Variants in PRKCE observed in about 807,000 individuals in gnomAD.
PRKCE encodes protein kinase C epsilon type.
A neutral mutation model predicts 85.4 loss-of-function variants in PRKCE; 16 were observed. That is an observed-to-expected ratio of 0.19 (90% CI 0.13 to 0.28). The LOEUF is 0.28. Ranked by LOEUF, PRKCE falls within the 10% of genes least tolerant of loss-of-function variation. The pLI, the probability that PRKCE is intolerant of heterozygous loss-of-function variation, is 1.00. For missense variants in PRKCE, 573 were observed against 975.2 expected, an observed-to-expected ratio of 0.59 and a Z score of 5.49; for synonymous variants, 388 against 371.5, an observed-to-expected ratio of 1.04 and a Z score of -0.51.
At chr2:45,664,837 T>A (rs1240561605) in intron 1 of PRKCE, among the ~76,000 whole-genome samples, 1 of 152,234 alleles carries the variant, frequency 6.6e-6, no homozygotes, top group Non-Finnish European at 1.5e-5. Flanking sequence ...ACATCCCATT[T>A]TGTGTGGTCC....
chr2:45,820,895 C>A (rs1689476121), intron 1 of PRKCE, among the ~76,000 whole-genome samples: 1 of 152,088 alleles, frequency 6.6e-6, no homozygotes, highest in African/African-American at 2.4e-5. Context: ...CACCCCCTTC[C>A]CACCCCCCAG....
At chr2:46,044,953 G>C (rs527696272) in intron 10 of PRKCE, among the ~76,000 whole-genome samples, 1 of 152,136 alleles carries the variant, frequency 6.6e-6, no homozygotes, top group African/African-American at 2.4e-5. Context: ...TATATACTTC[G>C]TTATGTATAG....
chr2:45,651,730 G>T lies in PRKCE; in HGVS notation c.-371G>T, dbSNP rs1675131302. On this transcript the variant is annotated 5_prime_UTR_variant, in exon 1 of 15. Coordinates refer to ENST00000306156, the MANE Select transcript of PRKCE (RefSeq NM_005400.3). ...TAGGTAAGCGCCGGGCGCGGCGCCC[G>T]CTTTCCCGCAGTCCGGAGCCGGAGA... 6.2e-6 allele frequency: 1 copy of T among 161,498 alleles called. No homozygotes were observed. The highest frequency in any genetic ancestry group is 1.3e-5 in the Non-Finnish European group (1 of 76,072). The allele number at this position is 161,498 out of a possible 1,614,324, so 10.0% of individuals were successfully genotyped here. A position where few individuals can be genotyped will look rare whatever the true frequency, so the allele number is the denominator to read the frequency against.
intron 2 of PRKCE, among the ~76,000 whole-genome samples, chr2:45,970,102 G>A (rs192052795): frequency 1.3e-3 from 202 of 152,308 alleles, no homozygotes; most frequent in African/African-American, 4.6e-3. Context: ...TCTCTTTGTG[G>A]CCTTCCCTGT....
chr2:45,856,859 C>A (rs1291146851), intron 2 of PRKCE, among the ~76,000 whole-genome samples: 1 of 152,194 alleles, frequency 6.6e-6, no homozygotes, highest in Non-Finnish European at 1.5e-5. Context: ...CCAGGTTCAT[C>A]ATGTTGCTGC....
chr2:45,978,936 G>T (rs747651625), intron 3 of PRKCE, 40 bp from the exon 4 acceptor site: 25 of 1,590,356 alleles, frequency 1.6e-5, no homozygotes, highest in Non-Finnish European at 2.0e-5. Context: ...GACCTGGTAA[G>T]ATTTCACTTT....
At chr2:45,843,134 C>T in intron 2 of PRKCE, 71 bp downstream of exon 2, 5 of 1,361,378 alleles carry the variant, frequency 3.7e-6, no homozygotes, top group Non-Finnish European at 5.2e-6. Context: ...CTTCTTTCCC[C>T]CCCTTGGCCG....
At chr2:45,984,236 C>T (rs1703134217) in intron 5 of PRKCE, among the ~76,000 whole-genome samples, 1 of 152,122 alleles carries the variant, frequency 6.6e-6, no homozygotes, top group Non-Finnish European at 1.5e-5. Context: ...CTGCACCCGG[C>T]CTGAGGTACA....
intron 6 of PRKCE, among the ~76,000 whole-genome samples, chr2:45,986,590 A>T (rs1022390728): frequency 2.6e-5 from 4 of 152,160 alleles, no homozygotes; most frequent in African/African-American, 9.7e-5. Flanking sequence ...TGTTGAGGGC[A>T]TTGCAAGGAG....
At chr2:46,102,719 T>A (rs2104103003) in intron 11 of PRKCE, among the ~76,000 whole-genome samples, 1 of 152,312 alleles carries the variant, frequency 6.6e-6, no homozygotes, top group Non-Finnish European at 1.5e-5. Flanking sequence ...TTTTGTAGAA[T>A]ATCTGCCAGC....
chr2:45,659,524 C>T (rs909788680), intron 1 of PRKCE, among the ~76,000 whole-genome samples: 3 of 152,178 alleles, frequency 2.0e-5, no homozygotes, highest in Admixed American at 6.5e-5. Flanking sequence ...GTGAGATTAT[C>T]CCTTACCATA....
At chr2:46,130,350 TCATA>T (rs1272320430) in intron 11 of PRKCE, among the ~76,000 whole-genome samples, 118 of 152,058 alleles carry the variant, frequency 7.8e-4, no homozygotes, top group African/African-American at 2.8e-3. Flanking sequence ...GTATACTTTA[TCATA>T]CATACTTTGT....
chr2:46,085,749 GTTTTTGTTTTTTTT>G (rs1669566692), intron 10 of PRKCE, among the ~76,000 whole-genome samples: 1 of 18,660 alleles, frequency 5.4e-5, no homozygotes, highest in South Asian at 3.2e-3. Flanking sequence ...TTTTTTTTTT[GTTTTTGTTTTTTTT>G]TTTTTTTTTA....
At chr2:45,855,567 G>A (rs771396992) in intron 2 of PRKCE, among the ~76,000 whole-genome samples, 4 of 152,144 alleles carry the variant, frequency 2.6e-5, no homozygotes, top group Non-Finnish European at 5.9e-5. Flanking sequence ...ACAGTGCATC[G>A]GTGTGTGTCT....
chr2:45,858,705 A>G (rs1692885069), intron 2 of PRKCE, among the ~76,000 whole-genome samples: 2 of 152,088 alleles, frequency 1.3e-5, no homozygotes, highest in African/African-American at 4.8e-5. Flanking sequence ...ATGCTTTCCC[A>G]AGTAATGTAT....
At chr2:45,785,930 G>A (rs534039339) in intron 1 of PRKCE, among the ~76,000 whole-genome samples, 3 of 152,268 alleles carry the variant, frequency 2.0e-5, no homozygotes, top group Admixed American at 6.5e-5. Flanking sequence ...GGGATGGCTC[G>A]TTGCCTTGAA....
chr2:46,175,794 T>C (rs1274543567), intron 14 of PRKCE, among the ~76,000 whole-genome samples: 1 of 151,990 alleles, frequency 6.6e-6, no homozygotes, highest in Non-Finnish European at 1.5e-5. Context: ...TGCCAGTATA[T>C]AGCATGAACT....
intron 1 of PRKCE, among the ~76,000 whole-genome samples, chr2:45,808,178 T>C (rs1256788670): frequency 6.6e-6 from 1 of 152,142 alleles, no homozygotes; most frequent in East Asian, 1.9e-4. Context: ...GCCAGAGTTA[T>C]AAGTGTCTGG....
intron 1 of PRKCE, among the ~76,000 whole-genome samples, chr2:45,681,028 C>A (rs769279253): frequency 6.6e-6 from 1 of 152,050 alleles, no homozygotes; most frequent in Non-Finnish European, 1.5e-5. Flanking sequence ...CGGTGGCGCA[C>A]GCCTGTAATC....
Sources: gnomAD v4.1 joint callset for allele counts (sites outside exome capture counted in the v4.1 genomes callset) on GRCh38, gnomAD v4.1.1 for gene constraint, MANE v1.5 for transcripts, NCBI Gene and HGNC (gene_info 2026-07-23, HGNC 2026-07-21) for gene names.